The following SCG5 variants were observed in gnomAD, a reference collection of about 807,000 sequenced individuals.
SCG5 encodes the protein neuroendocrine protein 7B2.
SCG5 carries 18 observed loss-of-function variants against 25.7 expected under a neutral mutation model. The ratio of observed to expected loss-of-function variants is 0.70; its 90% confidence interval spans 0.48 to 1.04. The LOEUF is 1.04. Among genes scored for constraint, SCG5 ranks in the 50% least tolerant of loss-of-function variants. The probability of loss-of-function intolerance (pLI) is 0.00; values close to 1 mark genes in which losing one functional copy is unlikely to be tolerated. For synonymous variants in SCG5, 101 were observed against 91.7 expected (o/e 1.10, Z -0.58); for missense variants, 206 against 259.8 (o/e 0.79, Z 1.42).
At chr15:32,662,829 C>T (rs1363402565) in intron 2 of SCG5, among the ~76,000 whole-genome samples, 6 of 138,546 alleles carry the variant, frequency 4.3e-5, no homozygotes, top group Non-Finnish European at 8.0e-5. Context: ...CTGCCCGGGA[C>T]GATTTGATGT....
At chr15:32,648,592 C>T (rs1285025689) in intron 2 of SCG5, among the ~76,000 whole-genome samples, 3 of 152,026 alleles carry the variant, frequency 2.0e-5, no homozygotes, top group Admixed American at 1.3e-4. Context: ...CGCATTCTGG[C>T]CCTGAGTCAC....
intron 2 of SCG5, among the ~76,000 whole-genome samples, chr15:32,658,539 AT>A (rs1262726088): frequency 6.6e-6 from 1 of 152,182 alleles, no homozygotes; most frequent in African/African-American, 2.4e-5. Context: ...GGCTGGATGC[AT>A]TTAAGGCTGT....
intron 3 of SCG5, among the ~76,000 whole-genome samples, chr15:32,682,354 A>G (rs1262141658): frequency 6.6e-6 from 1 of 152,226 alleles, no homozygotes; most frequent in Non-Finnish European, 1.5e-5. Context: ...TCTGACCTCT[A>G]GTGTTGACTG....
chr15:32,691,822 T>C, intron 5 of SCG5, 59 bp downstream of exon 5: 5 of 1,590,444 alleles, frequency 3.1e-6, no homozygotes, highest in African/African-American at 1.3e-5. Flanking sequence ...AGTGGGGCAG[T>C]GAACAGGCTG....
chr15:32,689,872 C>T (rs1323674474), intron 4 of SCG5, among the ~76,000 whole-genome samples: 1 of 146,952 alleles, frequency 6.8e-6, no homozygotes, highest in African/African-American at 2.5e-5. Context: ...GACGGAGTCT[C>T]GCTCTGTCCC....
At chr15:32,671,208 G>A (rs2054417945) in intron 2 of SCG5, among the ~76,000 whole-genome samples, 1 of 152,188 alleles carries the variant, frequency 6.6e-6, no homozygotes, top group Non-Finnish European at 1.5e-5. Context: ...TATAAAAAGT[G>A]CTCTCTTTCT....
At chr15:32,691,838 C>T (rs1271534736) in intron 5 of SCG5, 75 bp downstream of exon 5, 1 of 1,570,890 alleles carries the variant, frequency 6.4e-7, no homozygotes, top group South Asian at 1.2e-5. Context: ...GGCTGAAACC[C>T]TCGCTTGTTG....
chr15:32,646,101 C>T (rs1159073233), intron 2 of SCG5, among the ~76,000 whole-genome samples: 1 of 148,932 alleles, frequency 6.7e-6, no homozygotes, highest in Non-Finnish European at 1.5e-5. Context: ...AGGCGTGAGC[C>T]ACCACACCCG....
At chr15:32,686,137 C>T (rs1425032057) in intron 4 of SCG5, among the ~76,000 whole-genome samples, 1 of 152,166 alleles carries the variant, frequency 6.6e-6, no homozygotes, top group East Asian at 1.9e-4. Context: ...TGCATTATTC[C>T]ATTTCCTTCT....
intron 2 of SCG5, among the ~76,000 whole-genome samples, chr15:32,674,671 G>A (rs1453158253): frequency 6.6e-6 from 1 of 152,132 alleles, no homozygotes; most frequent in Admixed American, 6.5e-5. Context: ...TGTTAACACC[G>A]AACAAGACCA....
At chr15:32,683,912 T>C (rs143064369) in intron 3 of SCG5, among the ~76,000 whole-genome samples, 1 of 152,374 alleles carries the variant, frequency 6.6e-6, no homozygotes, top group East Asian at 1.9e-4. Flanking sequence ...GAGTGGGTCA[T>C]GTGCAACAGA....
chr15:32,684,294 G>A, intron 3 of SCG5: 1 of 415,256 alleles, frequency 2.4e-6, no homozygotes, highest in Non-Finnish European at 4.3e-6. Context: ...AAGCAAGGCT[G>A]GGAAATTAGT....
At chr15:32,641,982 G>A (rs907114535) in intron 1 of SCG5, among the ~76,000 whole-genome samples, 7 of 152,086 alleles carry the variant, frequency 4.6e-5, no homozygotes, top group African/African-American at 1.7e-4. Flanking sequence ...AAATCAGAGC[G>A]GCGTTTGCTG....
intron 2 of SCG5, among the ~76,000 whole-genome samples, chr15:32,675,799 A>G (rs1197676051): frequency 6.6e-6 from 1 of 152,174 alleles, no homozygotes; most frequent in African/African-American, 2.4e-5. Flanking sequence ...TTGTTTCTCT[A>G]TGAACTATGA....
At chr15:32,655,229 A>G (rs1417780247) in intron 2 of SCG5, among the ~76,000 whole-genome samples, 1 of 151,690 alleles carries the variant, frequency 6.6e-6, no homozygotes, top group African/African-American at 2.4e-5. Flanking sequence ...AATGGCATGA[A>G]CCCAGGAGGC....
At chr15:32,661,640 G>T (rs1372598267) in intron 2 of SCG5, among the ~76,000 whole-genome samples, 1 of 151,998 alleles carries the variant, frequency 6.6e-6, no homozygotes, top group East Asian at 1.9e-4. Flanking sequence ...AGAGAAGAAA[G>T]AAAACATCTC....
chr15:32,674,278 A>T (rs1237510434), intron 2 of SCG5, among the ~76,000 whole-genome samples: 3 of 152,246 alleles, frequency 2.0e-5, no homozygotes, highest in Non-Finnish European at 4.4e-5. Context: ...CTCTAAAGAG[A>T]TAAGTGAGAT....
At chr15:32,683,767 G>T (rs1460299150) in intron 3 of SCG5, among the ~76,000 whole-genome samples, 1 of 152,190 alleles carries the variant, frequency 6.6e-6, no homozygotes, top group Admixed American at 6.5e-5. Context: ...CTCTGCTCTT[G>T]TCTGACTCCA....
intron 2 of SCG5, among the ~76,000 whole-genome samples, chr15:32,659,851 C>T (rs534674143): frequency 1.3e-5 from 2 of 152,108 alleles, no homozygotes; most frequent in African/African-American, 4.8e-5. Context: ...CCAGCAGGTC[C>T]CTTCTCTGTA....
Sources: gnomAD v4.1 joint callset for allele counts (sites outside exome capture counted in the v4.1 genomes callset) on GRCh38, gnomAD v4.1.1 for gene constraint, MANE v1.5 for transcripts, NCBI Gene and HGNC (gene_info 2026-07-23, HGNC 2026-07-21) for gene names.